CDH18: variants seen among roughly 807,000 people sequenced by gnomAD.
CDH18 encodes the protein cadherin 18, also known as cadherin-18.
In CDH18, 31 loss-of-function variants were observed where a neutral mutation model predicts 67.9. That is an observed-to-expected ratio of 0.46 (90% CI 0.34 to 0.62). The LOEUF (loss-of-function observed/expected upper bound fraction) is 0.62. CDH18 is among the 20% of genes least tolerant of loss of function. CDH18 has a pLI of 0.01. For missense variants in CDH18, 890 were observed against 975.5 expected, an observed-to-expected ratio of 0.91 and a Z score of 1.17; for synonymous variants, 362 against 347.2, an observed-to-expected ratio of 1.04 and a Z score of -0.48.
chr5:20,241,768 C>T (rs1213118734), intron 2 of CDH18, among the ~76,000 whole-genome samples: 2 of 151,092 alleles, frequency 1.3e-5, no homozygotes, highest in Middle Eastern at 3.5e-3. Flanking sequence ...AGGAGAATGG[C>T]GTGAACCCGG....
intron 2 of CDH18, among the ~76,000 whole-genome samples, chr5:20,169,578 T>G (rs1382216206): frequency 6.6e-6 from 1 of 152,162 alleles, no homozygotes; most frequent in Non-Finnish European, 1.5e-5. Context: ...AAAGGTTTCA[T>G]AATTGTCACA....
At chr5:20,451,753 A>G (rs1462926421) in intron 1 of CDH18, among the ~76,000 whole-genome samples, 2 of 152,184 alleles carry the variant, frequency 1.3e-5, no homozygotes, top group Non-Finnish European at 2.9e-5. Flanking sequence ...CAAATTGCCT[A>G]TATTTCAGTG....
chr5:19,993,151 C>A (rs1800076969), upstream of CDH18, among the ~76,000 whole-genome samples: 1 of 152,054 alleles, frequency 6.6e-6, no homozygotes, highest in Non-Finnish European at 1.5e-5. Flanking sequence ...ACTTGGGTGA[C>A]ATCTCAAATA....
chr5:19,563,837 C>G (rs969569546), intron 8 of CDH18, among the ~76,000 whole-genome samples: 7 of 152,126 alleles, frequency 4.6e-5, no homozygotes, highest in Non-Finnish European at 1.0e-4. Context: ...GGAAAGACAG[C>G]CTTGAATGGC....
chr5:20,156,968 A>G (rs1416393194), intron 2 of CDH18, among the ~76,000 whole-genome samples: 1 of 152,174 alleles, frequency 6.6e-6, no homozygotes, highest in Non-Finnish European at 1.5e-5. Context: ...CCTCCACCAG[A>G]TGCCTGGAAT....
chr5:19,873,255 T>A (rs1029888350), intron 2 of CDH18, among the ~76,000 whole-genome samples: 2 of 150,058 alleles, frequency 1.3e-5, no homozygotes, highest in Admixed American at 6.6e-5. Flanking sequence ...AGAGAAAGCA[T>A]GGTTCAGCTT....
intron 2 of CDH18, among the ~76,000 whole-genome samples, chr5:19,869,791 A>G (rs1205483904): frequency 6.6e-6 from 1 of 152,094 alleles, no homozygotes; most frequent in Non-Finnish European, 1.5e-5. Context: ...TTCCGTTTCA[A>G]TTCACATTTC....
chr5:20,376,116 C>T (rs1164497174), intron 1 of CDH18, among the ~76,000 whole-genome samples: 14 of 2,374 alleles, frequency 5.9e-3, no homozygotes, highest in African/African-American at 7.6e-3. Flanking sequence ...TTTTTTGAGA[C>T]GGAGTCTCCC....
chr5:19,691,050 C>A (rs1470854116), intron 5 of CDH18, among the ~76,000 whole-genome samples: 1 of 151,704 alleles, frequency 6.6e-6, no homozygotes, highest in Admixed American at 6.6e-5. Context: ...TTGAATCTAA[C>A]AGTGCATTAG....
intron 2 of CDH18, among the ~76,000 whole-genome samples, chr5:20,229,962 G>A (rs1741934625): frequency 6.6e-6 from 1 of 152,110 alleles, no homozygotes; most frequent in Non-Finnish European, 1.5e-5. Context: ...AGCTCCGAAT[G>A]CGAATACAGA....
At chr5:20,266,680 G>C (rs79709166) in intron 1 of CDH18, among the ~76,000 whole-genome samples, 4 of 146,502 alleles carry the variant, frequency 2.7e-5, no homozygotes, top group Non-Finnish European at 5.9e-5. Context: ...CACCCAACTC[G>C]GCCTCCTAGC....
chr5:20,144,935 A>G (rs1750525322), intron 2 of CDH18, among the ~76,000 whole-genome samples: 1 of 152,146 alleles, frequency 6.6e-6, no homozygotes, highest in South Asian at 2.1e-4. Context: ...CCAGCCAAGG[A>G]ATGCCCCAAA....
intron 5 of CDH18, among the ~76,000 whole-genome samples, chr5:19,622,451 G>A (rs1169628318): frequency 2.6e-5 from 4 of 152,132 alleles, no homozygotes; most frequent in Admixed American, 2.6e-4. Context: ...GATTAACGAA[G>A]CCTCCTATAA....
chr5:20,493,049 T>G (rs2126395809), intron 1 of CDH18, among the ~76,000 whole-genome samples: 1 of 152,160 alleles, frequency 6.6e-6, no homozygotes, highest in South Asian at 2.1e-4. Flanking sequence ...GTCAAAAAAC[T>G]TTATGAAATA....
chr5:19,471,864 T>G lies in CDH18; in HGVS notation c.*1362A>C, dbSNP rs1737677456. 6.6e-6 allele frequency among the ~76,000 whole-genome samples: 1 copy of G among 152,106 alleles called. No homozygotes were observed. The highest frequency in any genetic ancestry group is 1.5e-5 in the Non-Finnish European group (1 of 68,014). On this transcript the variant is annotated 3_prime_UTR_variant, in exon 13 of 13. Transcript: ENST00000382275. ...TTTATAAGCTAATGAAACTAGAAAA[T>G]TAGATAAGCGTCTGCAAGCTTTTAT...
chr5:20,554,924 G>A (rs1757818170), intron 1 of CDH18, among the ~76,000 whole-genome samples: 1 of 152,134 alleles, frequency 6.6e-6, no homozygotes, highest in African/African-American at 2.4e-5. Context: ...AGATATGTGA[G>A]GATATCTCTC....
chr5:19,755,427 G>GTATATATATATATATATATATA lies in CDH18; in HGVS notation c.229-8192_229-8191insTATATATATATATATATATATA, dbSNP rs1373982305. The stretch of plus-strand genomic sequence containing the variant: ...TCTCTAGAGGGACAGAACTAACAGG[G>GTATATATATATATATATATATA]TATGTATATATATATATATATATAT... On this transcript the variant is annotated intron_variant, in intron 3 of 12. Transcript: ENST00000382275. Among the ~76,000 whole-genome samples, 10 of 44,656 alleles carry GTATATATATATATATATATATA rather than the reference G, an allele frequency of 2.2e-4. 4 individuals are homozygous for GTATATATATATATATATATATA. The highest frequency in any genetic ancestry group is 3.7e-4 in the Non-Finnish European group (8 of 21,432). 29.3% of individuals were successfully genotyped at this position (44,656 alleles called of 152,430 possible).
Position 20,031,562 on chromosome 5 carries a change from T to C in CDH18, c.-517-39548A>G, listed in dbSNP as rs1739402115. ...GCTCTCTGTGCTCCTCTTTCTAATT[T>C]CTTCAATTGGGAAGTCAGGTAGTGA... On this transcript the variant is annotated intron_variant, in intron 2 of 14. Coordinates refer to the CDH18 transcript ENST00000507958. 4.6e-5 allele frequency among the ~76,000 whole-genome samples: 7 copies of C among 152,092 alleles called. No individual in the cohort carries two copies. In the South Asian group the frequency reaches 1.4e-3, roughly 32 times the overall value.
At chr5:19,945,354 A>G (rs1795192390) in intron 2 of CDH18, among the ~76,000 whole-genome samples, 1 of 152,154 alleles carries the variant, frequency 6.6e-6, no homozygotes, top group African/African-American at 2.4e-5. Context: ...CTAGCACACA[A>G]AAGAAGGCTA....
Sources: allele counts gnomAD v4.1 joint callset (sites outside exome capture counted in the v4.1 genomes callset), GRCh38; gene constraint gnomAD v4.1.1; transcripts MANE v1.5; gene names NCBI Gene and HGNC (gene_info 2026-07-23, HGNC 2026-07-21).